SLC12A8: variants seen among roughly 807,000 people sequenced by gnomAD.
The protein encoded by SLC12A8 is solute carrier family 12 member 8.
Under a neutral mutation model 75.6 loss-of-function variants are expected in SLC12A8, and 69 were observed. The observed-to-expected ratio is 0.91, with a 90% CI of 0.75 to 1.11. SLC12A8 has a LOEUF of 1.11. Ranked by LOEUF, SLC12A8 falls within the 50% of genes most tolerant of loss-of-function variation. The probability of loss-of-function intolerance (pLI) is 0.00; values close to 1 mark genes in which losing one functional copy is unlikely to be tolerated. For missense variants in SLC12A8, 877 were observed against 896.7 expected (o/e 0.98, Z 0.28); for synonymous variants, 365 against 372.8 (o/e 0.98, Z 0.24).
Position 125,092,121 on chromosome 3 carries a change from G to A in SLC12A8, c.1783C>T (p.Pro595Ser), listed in dbSNP as rs772692634. The change falls in exon 11 of 14, where the codon CCC becomes TCC. Residue 595 changes from proline (P) to serine (S), a missense_variant. Coordinates refer to ENST00000469902, the MANE Select transcript of SLC12A8 (RefSeq NM_024628.6). ...CTCACCCCCAACAGGGAGACCCAGG[G>A]GTTGCACATGTGGGTATAGAAAGAA... ...STSFYTHMCN[P>S]WVSLLGAVGS... 6.2e-7 allele frequency: 1 copy of A among 1,611,676 alleles called. No homozygotes were observed. Among genetic ancestry groups the A allele is most frequent in the Non-Finnish European group, 8.5e-7 (1 of 1,178,062 alleles).
Position 125,177,762 on chromosome 3 carries a change from A to G in SLC12A8, c.603T>C (p.Ser201=). Residue 201 remains serine, a synonymous_variant, in exon 5 of 14, where the codon TCT becomes TCC. Transcript: ENST00000469902. ...GCTTACCTGGGTCCAGGTGGGTGAA[A>G]GAACCCACCACAAAGTCCAGTGTGG... ...AVSTLDFVVG[S]FTHLDPEHGF... 2 of 1,614,012 alleles carry G rather than the reference A, an allele frequency of 1.2e-6. No individual in the cohort carries two copies. The highest frequency in any genetic ancestry group is 8.5e-7 in the Non-Finnish European group (1 of 1,179,882).
In SLC12A8 at chr3:125,135,696, A is replaced by G; in HGVS notation, c.709T>C (p.Phe237Leu). 1 of 1,609,348 alleles carries G rather than the reference A, an allele frequency of 6.2e-7. No homozygotes were observed. Among genetic ancestry groups the G allele is most frequent in the Non-Finnish European group, 8.5e-7 (1 of 1,177,054 alleles). Residue 237 changes from phenylalanine to leucine, a missense_variant, in exon 6 of 14, where the codon TTT becomes CTT. Phe to Leu is a conservative substitution (Grantham distance 22). Transcript: ENST00000469902. ...GTAGCCGCTGGGAAGAAAACCCCAA[A>G]GACAGTGAAAAAAGATTCCCCCGGG... The part of the protein sequence containing the change: ...YSPGESFFTV[F>L]GVFFPAATGV...
At chr3:125,098,156 T>G (rs1188728558) in intron 10 of SLC12A8, among the ~76,000 whole-genome samples, 1 of 152,214 alleles carries the variant, frequency 6.6e-6, no homozygotes, top group Non-Finnish European at 1.5e-5. Flanking sequence ...ACTTCATATC[T>G]TTATCAGAAT....
At position 125,110,237 on chromosome 3, in the gene SLC12A8, G is replaced by A. The variant is rs181083714; in HGVS notation, c.1011C>T (p.Cys337=). The change falls in exon 9 of 14, where the codon TGC becomes TGT. Residue 337 remains cysteine (C), a synonymous_variant. Coordinates refer to ENST00000469902, the MANE Select transcript of SLC12A8 (RefSeq NM_024628.6). ...CAGGGATCACTTTCTCCTGGGCAATGCACTGCAGGATGCGGGGAGCTCCAT... is the reference window on the plus strand; with the variant it reads ...CAGGGATCACTTTCTCCTGGGCAATACACTGCAGGATGCGGGGAGCTCCAT... ...GLYGAPRILQ[C]IAQEKVIPAL... 33 of 1,614,074 alleles carry A rather than the reference G, an allele frequency of 2.0e-5. No individual in the cohort carries two copies. The African/African-American group carries it at 3.9e-4, about 19-fold the overall frequency.
chr3:125,165,282 G>C (rs1285558559), intron 5 of SLC12A8, among the ~76,000 whole-genome samples: 1 of 152,240 alleles, frequency 6.6e-6, no homozygotes, highest in Admixed American at 6.5e-5. Context: ...TGGGCAGTGA[G>C]GAAGGGTTGA....
At chr3:125,177,628 T>G in intron 5 of SLC12A8, 115 bp downstream of exon 5, 1 of 638,794 alleles carries the variant, frequency 1.6e-6, no homozygotes, top group Non-Finnish European at 2.5e-6. Context: ...TCACACCAAT[T>G]GTAGGTAAAG....
At chr3:125,155,919 C>G (rs1934039963) in intron 5 of SLC12A8, among the ~76,000 whole-genome samples, 1 of 151,330 alleles carries the variant, frequency 6.6e-6, no homozygotes, top group Admixed American at 6.6e-5. Flanking sequence ...CACATATTCT[C>G]AGAGAAGCAA....
chr3:125,122,220 G>A (rs1479398490), intron 6 of SLC12A8, among the ~76,000 whole-genome samples: 2 of 152,160 alleles, frequency 1.3e-5, no homozygotes, highest in Admixed American at 6.5e-5. Flanking sequence ...ACTGGAACAT[G>A]TTTTAAAACA....
intron 2 of SLC12A8, among the ~76,000 whole-genome samples, chr3:125,197,626 G>T (rs1195925191): frequency 6.6e-6 from 1 of 152,142 alleles, no homozygotes; most frequent in Non-Finnish European, 1.5e-5. Context: ...TCTGCTCATT[G>T]TCACTGAGTG....
At chr3:125,165,732 C>A (rs545377956) in intron 5 of SLC12A8, among the ~76,000 whole-genome samples, 2 of 152,326 alleles carry the variant, frequency 1.3e-5, no homozygotes, top group African/African-American at 4.8e-5. Context: ...TCGTTCTTTG[C>A]ACAAGTATTT....
intron 3 of SLC12A8, 82 bp from the exon 4 acceptor site, chr3:125,187,510 C>T (rs1416171915): frequency 7.8e-6 from 10 of 1,281,902 alleles, no homozygotes; most frequent in African/African-American, 2.9e-5. Flanking sequence ...GACCACCTCC[C>T]CTCCTCCCAC....
chr3:125,112,904 G>A (rs533978030), intron 8 of SLC12A8, among the ~76,000 whole-genome samples: 4 of 152,152 alleles, frequency 2.6e-5, no homozygotes, highest in African/African-American at 4.8e-5. Context: ...ATGTGCAGCC[G>A]ATGTGGAGAA....
intron 8 of SLC12A8, among the ~76,000 whole-genome samples, chr3:125,112,942 T>C (rs1433002501): frequency 1.3e-5 from 2 of 152,244 alleles, no homozygotes; most frequent in African/African-American, 4.8e-5. Flanking sequence ...TTGTAGCCAC[T>C]GCATTCTCCC....
At chr3:125,160,964 T>A (rs1219909478) in intron 5 of SLC12A8, among the ~76,000 whole-genome samples, 4 of 152,190 alleles carry the variant, frequency 2.6e-5, no homozygotes, top group Non-Finnish European at 5.9e-5. Flanking sequence ...GTTCCGGGAC[T>A]CTTAAGTGGT....
Position 125,104,145 on chromosome 3 carries a change from G to A in SLC12A8, c.1705+3336C>T, listed in dbSNP as rs2948799. Among the ~76,000 whole-genome samples the A allele has an allele frequency of 8.6e-5, 13 of 151,444 alleles. No homozygotes were observed. The East Asian group carries it at 9.8e-4, about 11-fold the overall frequency. ...TTTAGAGACAGGGTCTTGCTCTGTC[G>A]CCCAGGCTGGAGTGCGGTGGAGTGA... On this transcript the variant is annotated intron_variant, in intron 10 of 13. Transcript: ENST00000469902.
At chr3:125,126,519 C>T (rs1933212981) in intron 6 of SLC12A8, among the ~76,000 whole-genome samples, 2 of 152,352 alleles carry the variant, frequency 1.3e-5, no homozygotes, top group South Asian at 2.1e-4. Flanking sequence ...CCCCCTGAAT[C>T]ACCCAGTGGC....
intron 8 of SLC12A8, among the ~76,000 whole-genome samples, chr3:125,116,762 T>C (rs907143272): frequency 6.6e-6 from 1 of 152,136 alleles, no homozygotes. Context: ...AAAGGAACTT[T>C]AGAAGCAGGC....
intron 6 of SLC12A8, among the ~76,000 whole-genome samples, chr3:125,128,094 G>T (rs1933252836): frequency 6.6e-6 from 1 of 151,764 alleles, no homozygotes; most frequent in Non-Finnish European, 1.5e-5. Context: ...GGATGGTCTT[G>T]ATCTCTTGAC....
At chr3:125,144,251 T>A (rs564384594) in intron 5 of SLC12A8, among the ~76,000 whole-genome samples, 6 of 152,332 alleles carry the variant, frequency 3.9e-5, no homozygotes, top group African/African-American at 1.4e-4. Context: ...CCGTATTAAC[T>A]CATTGAAGCC....
Sources: allele counts gnomAD v4.1 joint callset (sites outside exome capture counted in the v4.1 genomes callset), GRCh38; gene constraint gnomAD v4.1.1; transcripts MANE v1.5; gene names NCBI Gene and HGNC (gene_info 2026-07-23, HGNC 2026-07-21).